The following MYH3 variants were observed in gnomAD, a reference collection of about 807,000 sequenced individuals.
The protein encoded by MYH3 is myosin heavy chain 3.
Under a neutral mutation model 238.0 loss-of-function variants are expected in MYH3, and 130 were observed. The observed-to-expected ratio is 0.55, with a 90% CI of 0.47 to 0.63. The LOEUF is 0.63. MYH3 is among the 30% of genes least tolerant of loss of function. The pLI, the probability that MYH3 is intolerant of heterozygous loss-of-function variation, is 0.00. For synonymous variants in MYH3, 880 were observed against 924.1 expected, an observed-to-expected ratio of 0.95 and a Z score of 0.86; for missense variants, 1,853 against 2,374.9, an observed-to-expected ratio of 0.78 and a Z score of 4.57.
Position 10,631,688 on chromosome 17 carries a change from G to T in MYH3, c.5209C>A (p.Gln1737Lys), listed in dbSNP as rs775680727. 3 of 1,614,188 alleles carry T rather than the reference G, an allele frequency of 1.9e-6. No homozygotes were observed. Among genetic ancestry groups the T allele is most frequent in the Non-Finnish European group, 2.5e-6 (3 of 1,180,032 alleles). Reference sequence around the variant, plus strand: ...GCATCTTCTACCTCACTCTGGAGCTGCATGAGGTCTGTCTCCAGCTTCTTC... The same window carrying T: ...GCATCTTCTACCTCACTCTGGAGCTTCATGAGGTCTGTCTCCAGCTTCTTC... ...TKKKLETDLM[Q>K]LQSEVEDASR... Residue 1737 changes from glutamine (Q) to lysine (K), a missense_variant, in exon 36 of 41, where the codon CAG becomes AAG. Gln to Lys is a moderately conservative substitution (Grantham distance 53). Around this residue, in one of 3 missense-constraint regions of MYH3, gnomAD observed 1,044 missense variants for 1,192.6 expected, o/e 0.88. Coordinates refer to ENST00000583535, the MANE Select transcript of MYH3 (RefSeq NM_002470.4).
intron 32 of MYH3, 21 bp downstream of exon 32, chr17:10,633,996 A>T (rs765919834): frequency 5.6e-6 from 9 of 1,612,660 alleles, no homozygotes; most frequent in Non-Finnish European, 7.6e-6. Context: ...AGGAGGTTTC[A>T]GAGGGTTTCG....
In MYH3 at chr17:10,644,867, T is replaced by C. The variant is rs2239935; in HGVS notation, c.1142-165A>G. Among the ~76,000 whole-genome samples the C allele has an allele frequency of 0.63, 95,836 of 152,072 alleles. 32,118 individuals are homozygous for C. Among genetic ancestry groups the C allele is most frequent in the Non-Finnish European group, 0.77 (52,305 of 67,996 alleles). The stretch of plus-strand genomic sequence containing the variant: ...AAGCTAAGTCACTCAGAGAATATAA[T>C]GGACTTTATGAAAAGCCAGGGCTGG... On this transcript the variant is annotated intron_variant, in intron 12 of 40. Transcript: ENST00000583535.
At chr17:10,629,788 C>T in intron 39 of MYH3, 54 bp from the exon 40 acceptor site, 2 of 1,614,138 alleles carry the variant, frequency 1.2e-6, no homozygotes, top group Non-Finnish European at 1.7e-6. Flanking sequence ...TCTCAGAACT[C>T]ACCACGGGAA....
At chr17:10,652,216 T>G in intron 4 of MYH3, 1 of 684,688 alleles carries the variant, frequency 1.5e-6, no homozygotes, top group East Asian at 2.9e-5. Context: ...CTCCGGCTCC[T>G]GGTCCTCCTT....
chr17:10,632,111 T>TTTTTG (rs137999435), intron 34 of MYH3, 95 bp from the exon 35 acceptor site: 6 of 1,294,784 alleles, frequency 4.6e-6, no homozygotes, highest in East Asian at 2.5e-5. Flanking sequence ...TGTTTGTTTG[T>TTTTTG]TTTTGTTTTG....
At chr17:10,641,238 A>G (rs1407417578) in intron 18 of MYH3, 36 bp from the exon 19 acceptor site, 1 of 1,611,544 alleles carries the variant, frequency 6.2e-7, no homozygotes, top group Non-Finnish European at 8.5e-7. Flanking sequence ...CTTACACAGA[A>G]TTTCTTAAAA....
chr17:10,652,210 G>T, intron 4 of MYH3: 1 of 670,072 alleles, frequency 1.5e-6, no homozygotes. Flanking sequence ...CCCGCTCTCC[G>T]GCTCCTGGTC....
In MYH3 at chr17:10,638,141, G is replaced by C; in HGVS notation, c.3631C>G (p.Leu1211Val). Reference sequence around the variant, plus strand: ...TCCAGCTTCTGCTTGACCCGCTGCAGGTTGTCAATCTGCTCCCCAAGCTCG... The same window carrying C: ...TCCAGCTTCTGCTTGACCCGCTGCACGTTGTCAATCTGCTCCCCAAGCTCG... ...VAELGEQIDN[L>V]QRVKQKLEKE... is the part of the protein sequence containing the mutation. The change falls in exon 27 of 41, where the codon CTG becomes GTG. Residue 1211 changes from leucine (L) to valine (V), a missense_variant. By Grantham distance (32) the Leu-to-Val change is conservative. This residue lies in a region of MYH3 where 1,044 missense variants were observed against 1,192.6 expected (regional missense o/e 0.88). Transcript: ENST00000583535. The C allele has an allele frequency of 6.2e-7, 1 of 1,613,804 alleles. No homozygotes were observed. Among genetic ancestry groups the C allele is most frequent in the Non-Finnish European group, 8.5e-7 (1 of 1,179,990 alleles).
the MYH3 span, chr17:10,677,658 T>A: frequency 6.6e-6 from 1 of 152,248 alleles, no homozygotes; most frequent in African/African-American, 2.4e-5. Flanking sequence ...AGCTGCTTCA[T>A]GAACAGCCAG....
At chr17:10,630,709 G>T (rs2074147615) in intron 36 of MYH3, among the ~76,000 whole-genome samples, 1 of 152,154 alleles carries the variant, frequency 6.6e-6, no homozygotes, top group Admixed American at 6.5e-5. Flanking sequence ...AAATTAGCTG[G>T]GCGTGGTGGC....
chr17:10,643,090 A>AAAC, intron 14 of MYH3, 94 bp from the exon 15 acceptor site: 1 of 1,600,940 alleles, frequency 6.2e-7, no homozygotes, highest in Non-Finnish European at 8.5e-7. Context: ...GGTTCCTGTC[A>AAAC]AACACATTAA....
the MYH3 span, among the ~76,000 whole-genome samples, chr17:10,669,156 A>G: frequency 6.6e-6 from 1 of 152,186 alleles, no homozygotes; most frequent in South Asian, 2.1e-4. Context: ...CAGGGATGTG[A>G]GCCCTAATAG....
intron 3 of MYH3, among the ~76,000 whole-genome samples, chr17:10,653,917 G>T (rs2074402517): frequency 6.6e-6 from 1 of 152,164 alleles, no homozygotes; most frequent in Non-Finnish European, 1.5e-5. Context: ...TACACAGAGA[G>T]CCACCTTTTC....
intron 24 of MYH3, 41 bp from the exon 25 acceptor site, chr17:10,639,230 C>T: frequency 1.9e-6 from 3 of 1,614,108 alleles, no homozygotes; most frequent in Non-Finnish European, 2.5e-6. Context: ...AAATGCTTTG[C>T]AAGAGGACCC....
chr17:10,650,545 G>A (rs2142420787), intron 5 of MYH3, 144 bp from the exon 6 acceptor site: 6 of 708,370 alleles, frequency 8.5e-6, no homozygotes, highest in South Asian at 6.8e-5. Flanking sequence ...GGAATCTGAA[G>A]AGCCTCCATC....
At position 10,644,707 on chromosome 17, in the gene MYH3, C is replaced by A; in HGVS notation, c.1142-5G>T. The A allele has an allele frequency of 6.3e-7, 1 of 1,593,980 alleles. No homozygotes were observed. Among genetic ancestry groups the A allele is most frequent in the Middle Eastern group, 1.7e-4 (1 of 6,018 alleles). On this transcript the variant is annotated splice_region_variant and splice_polypyrimidine_tract_variant and intron_variant, in intron 12 of 40. Transcript: ENST00000583535. ...GATAGGCTGTTTTGTCAGCCACTGG[C>A]AAGAAAACAAGGACAGTGCTTAGAA...
At chr17:10,636,288 C>CAAAAAAAA (rs397786526) in intron 28 of MYH3, among the ~76,000 whole-genome samples, 2 of 81,022 alleles carry the variant, frequency 2.5e-5, no homozygotes, top group Non-Finnish European at 2.2e-5. Context: ...GCCTCAATCT[C>CAAAAAAAA]AAAAAAAAAA....
chr17:10,653,947 G>A (rs2074402736), intron 3 of MYH3, among the ~76,000 whole-genome samples: 1 of 152,080 alleles, frequency 6.6e-6, no homozygotes, highest in Admixed American at 6.6e-5. Context: ...ATGCTTGGTA[G>A]CACTGCAGGG....
intron 40 of MYH3, 144 bp from the exon 41 acceptor site, chr17:10,628,823 G>T: frequency 1.2e-6 from 1 of 865,502 alleles, no homozygotes. Context: ...ACGCACGATT[G>T]CACACATGAA....
Sources: gnomAD v4.1 joint callset for allele counts (sites outside exome capture counted in the v4.1 genomes callset) on GRCh38, gnomAD v4.1.1 for gene constraint, gnomAD v4.1.1 regional missense constraint, MANE v1.5 for transcripts, NCBI Gene and HGNC (gene_info 2026-07-23, HGNC 2026-07-21) for gene names.